HS3ST4: variants seen among roughly 807,000 people sequenced by gnomAD.
HS3ST4 encodes heparan sulfate-glucosamine 3-sulfotransferase 4.
HS3ST4 carries 17 observed loss-of-function variants against 29.2 expected under a neutral mutation model. The ratio of observed to expected loss-of-function variants is 0.58; its 90% CI spans 0.40 to 0.87. HS3ST4 has a LOEUF of 0.87. Among genes scored for constraint, HS3ST4 ranks in the 40% least tolerant of loss-of-function variants. The pLI is 0.00. For synonymous variants in HS3ST4, 314 were observed against 285.7 expected (o/e 1.10, Z -1.00); for missense variants, 627 against 634.5 (o/e 0.99, Z 0.13).
At chr16:26,020,663 A>G (rs927591721) in intron 1 of HS3ST4, among the ~76,000 whole-genome samples, 1 of 152,110 alleles carries the variant, frequency 6.6e-6, no homozygotes, top group Non-Finnish European at 1.5e-5. Flanking sequence ...GAGCTTTGCT[A>G]CTCTCAAGGT....
chr16:25,860,850 C>T (rs1967629621), intron 1 of HS3ST4, among the ~76,000 whole-genome samples: 1 of 152,008 alleles, frequency 6.6e-6, no homozygotes. Flanking sequence ...GAATGAACTC[C>T]AATGTAAACT....
chr16:25,898,133 A>G (rs7193007), intron 1 of HS3ST4, among the ~76,000 whole-genome samples: 125,692 of 152,198 alleles, frequency 0.83, 52,066 homozygotes, highest in East Asian at 0.93. Context: ...TTTCTTGCTC[A>G]ATGTCTTCTC....
chr16:25,921,475 T>C (rs995320049), intron 1 of HS3ST4, among the ~76,000 whole-genome samples: 2 of 152,178 alleles, frequency 1.3e-5, no homozygotes, highest in East Asian at 3.8e-4. Context: ...CAGATTTAAA[T>C]TGAGTTGACA....
chr16:25,978,137 G>A (rs1386655234), intron 1 of HS3ST4, among the ~76,000 whole-genome samples: 1 of 152,184 alleles, frequency 6.6e-6, no homozygotes, highest in African/African-American at 2.4e-5. Flanking sequence ...TACTAAGCCT[G>A]GTAGCTACTA....
At chr16:26,112,024 A>C (rs113260379) in intron 1 of HS3ST4, among the ~76,000 whole-genome samples, 8,238 of 151,722 alleles carry the variant, frequency 0.054, 264 homozygotes, top group Middle Eastern at 0.11. Context: ...CAAAAAAAAA[A>C]AAAAAATTCT....
intron 1 of HS3ST4, among the ~76,000 whole-genome samples, chr16:26,042,165 T>G (rs1969641467): frequency 6.6e-6 from 1 of 152,186 alleles, no homozygotes; most frequent in South Asian, 2.1e-4. Flanking sequence ...GCCTCCAGCG[T>G]TCTGAAACCT....
chr16:25,820,374 A>G (rs1458775494), intron 1 of HS3ST4, among the ~76,000 whole-genome samples: 1 of 152,096 alleles, frequency 6.6e-6, no homozygotes, highest in Non-Finnish European at 1.5e-5. Context: ...TCTTTGTGTG[A>G]CATGAAACAT....
chr16:26,092,022 A>G (rs1353057113), intron 1 of HS3ST4, among the ~76,000 whole-genome samples: 1 of 151,994 alleles, frequency 6.6e-6, no homozygotes, highest in Non-Finnish European at 1.5e-5. Flanking sequence ...TTGGGGTGAA[A>G]TTTGGAAATG....
chr16:26,085,427 A>G (rs1898774846), intron 1 of HS3ST4, among the ~76,000 whole-genome samples: 1 of 152,244 alleles, frequency 6.6e-6, no homozygotes, highest in Non-Finnish European at 1.5e-5. Context: ...AGCCACTGGC[A>G]GAAAGAATGA....
At chr16:25,719,401 A>G (rs931091608) in intron 1 of HS3ST4, among the ~76,000 whole-genome samples, 3 of 152,216 alleles carry the variant, frequency 2.0e-5, no homozygotes, top group Non-Finnish European at 4.4e-5. Flanking sequence ...ATTTAGCTTA[A>G]TAAATGCAAA....
At chr16:25,770,270 T>C (rs1014527678) in intron 1 of HS3ST4, among the ~76,000 whole-genome samples, 6 of 152,172 alleles carry the variant, frequency 3.9e-5, no homozygotes, top group Non-Finnish European at 7.3e-5. Context: ...AGAAAACATA[T>C]TCTCCTTTCC....
At chr16:26,032,514 C>T (rs1321225131) in intron 1 of HS3ST4, 2 of 1,356,604 alleles carry the variant, frequency 1.5e-6, no homozygotes, top group East Asian at 2.3e-5. Context: ...ACCAGAAGTA[C>T]ACAGTTATCA....
In HS3ST4 at chr16:25,769,540, G is replaced by A. The variant is rs187870173; in HGVS notation, c.734+76389G>A. On this transcript the variant is annotated intron_variant, in intron 1 of 1. Coordinates refer to ENST00000331351, the MANE Select transcript of HS3ST4 (RefSeq NM_006040.3). ...TTTGTGATGCTCTGAAATCTTAGCCGTCTCCTTGAGAGATGTGTGCTCAGC... is the reference window on the plus strand; with the variant it reads ...TTTGTGATGCTCTGAAATCTTAGCCATCTCCTTGAGAGATGTGTGCTCAGC... Among the ~76,000 whole-genome samples, 10 of 152,230 alleles carry A rather than the reference G, an allele frequency of 6.6e-5. No homozygotes were observed. The East Asian group carries it at 9.7e-4, about 15-fold the overall frequency.
chr16:26,010,740 G>A (rs527260014), intron 1 of HS3ST4, among the ~76,000 whole-genome samples: 1 of 152,204 alleles, frequency 6.6e-6, no homozygotes, highest in South Asian at 2.1e-4. Flanking sequence ...CGCTTGTGGC[G>A]ACTCAAAGAA....
intron 1 of HS3ST4, among the ~76,000 whole-genome samples, chr16:25,834,251 A>G (rs1468672427): frequency 6.6e-6 from 1 of 152,200 alleles, no homozygotes; most frequent in Non-Finnish European, 1.5e-5. Flanking sequence ...ATGTGTAAAC[A>G]TTCTTGGGTC....
At chr16:25,724,142 C>T (rs928047906) in intron 1 of HS3ST4, among the ~76,000 whole-genome samples, 10 of 149,598 alleles carry the variant, frequency 6.7e-5, no homozygotes, top group African/African-American at 2.0e-4. Context: ...AAAAAATCTA[C>T]CACCTGCCAT....
At chr16:25,718,144 TG>T (rs1966470256) in intron 1 of HS3ST4, among the ~76,000 whole-genome samples, 1 of 152,178 alleles carries the variant, frequency 6.6e-6, no homozygotes. Context: ...GTAGAACACC[TG>T]TGCTCACTTA....
At chr16:25,968,481 T>C (rs1968865751) in intron 1 of HS3ST4, among the ~76,000 whole-genome samples, 4 of 152,172 alleles carry the variant, frequency 2.6e-5, no homozygotes, top group African/African-American at 7.2e-5. Context: ...CTTATTTCTG[T>C]GATGCTGACA....
chr16:26,089,849 T>C (rs75337968), intron 1 of HS3ST4, among the ~76,000 whole-genome samples: 1 of 152,330 alleles, frequency 6.6e-6, no homozygotes, highest in African/African-American at 2.4e-5. Context: ...TCTGCAACTT[T>C]GGGTAAATCA....
Sources: allele counts gnomAD v4.1 joint callset (sites outside exome capture counted in the v4.1 genomes callset), GRCh38; gene constraint gnomAD v4.1.1; transcripts MANE v1.5; gene names NCBI Gene and HGNC (gene_info 2026-07-23, HGNC 2026-07-21).